NCOA2: variants seen among roughly 807,000 people sequenced by gnomAD.
NCOA2 encodes nuclear receptor coactivator 2.
Under a neutral mutation model 145.1 loss-of-function variants are expected in NCOA2, and 21 were observed. The observed-to-expected ratio is 0.14, with a 90% confidence interval of 0.10 to 0.21. NCOA2 has a LOEUF of 0.21. Ranked by LOEUF, NCOA2 falls within the 10% of genes least tolerant of loss-of-function variation. The pLI is 1.00. For synonymous variants in NCOA2, 619 were observed against 637.5 expected (o/e 0.97, Z 0.44); for missense variants, 1,472 against 1,837.6 (o/e 0.80, Z 3.64).
Position 70,131,996 on chromosome 8 carries a change from T to C in NCOA2, c.3165A>G (p.Pro1055=). The change falls in exon 16 of 23, where the codon CCA becomes CCG. Residue 1055 remains proline, a synonymous_variant. Coordinates refer to ENST00000452400, the MANE Select transcript of NCOA2 (RefSeq NM_006540.4). ...GCAAGTCATCTGGAGAACTGCCAAA[T>C]GGCTGCCTGTAAAGACAGAAATGTC... is the stretch of plus-strand genomic sequence containing the variant. ...QASFASQNRQ[P]FGSSPDDLLC... 3.7e-6 allele frequency: 6 copies of C among 1,611,810 alleles called. No individual in the cohort carries two copies. The highest frequency in any genetic ancestry group is 5.1e-6 in the Non-Finnish European group (6 of 1,179,066).
intron 2 of NCOA2, among the ~76,000 whole-genome samples, chr8:70,275,186 T>C (rs1586335383): frequency 1.3e-5 from 2 of 152,348 alleles, no homozygotes; most frequent in East Asian, 1.9e-4. Context: ...TCAAGTTTTA[T>C]TTCTCTCATT....
chr8:70,454,518 C>T, the NCOA2 span, among the ~76,000 whole-genome samples: 2 of 152,194 alleles, frequency 1.3e-5, no homozygotes, highest in Admixed American at 1.3e-4. Context: ...AAAGGTAGTA[C>T]AAGTAGACCA....
chr8:70,273,789 G>C, intron 2 of NCOA2: 1 of 583,328 alleles, frequency 1.7e-6, no homozygotes, highest in East Asian at 4.2e-5. Context: ...TGATGATGAA[G>C]TTCCAGATCT....
At chr8:70,446,884 T>A in the NCOA2 span, among the ~76,000 whole-genome samples, 1 of 152,156 alleles carries the variant, frequency 6.6e-6, no homozygotes, top group African/African-American at 2.4e-5. Context: ...ATGCACAAAA[T>A]GCAACAAAGC....
intron 1 of NCOA2, among the ~76,000 whole-genome samples, chr8:70,395,241 CA>C (rs1813546663): frequency 6.6e-6 from 1 of 152,146 alleles, no homozygotes; most frequent in African/African-American, 2.4e-5. Flanking sequence ...AAGTTTGAAT[CA>C]TTATTTATCA....
intron 1 of NCOA2, among the ~76,000 whole-genome samples, chr8:70,318,902 G>C (rs1373510648): frequency 6.6e-6 from 1 of 152,180 alleles, no homozygotes; most frequent in African/African-American, 2.4e-5. Context: ...GAAAATGGGT[G>C]TTTTGTCCAC....
At chr8:70,208,516 C>G (rs547697881) in intron 4 of NCOA2, among the ~76,000 whole-genome samples, 2 of 152,328 alleles carry the variant, frequency 1.3e-5, no homozygotes, top group African/African-American at 2.4e-5. Context: ...TTGGAAGAAG[C>G]AGCCATCTAG....
chr8:70,374,327 C>T (rs1811477173), intron 1 of NCOA2, among the ~76,000 whole-genome samples: 1 of 151,886 alleles, frequency 6.6e-6, no homozygotes, highest in Admixed American at 6.6e-5. Context: ...CATAAATTAG[C>T]CAGGCATGGT....
At chr8:70,332,584 G>C (rs11777095) in intron 1 of NCOA2, among the ~76,000 whole-genome samples, 1 of 152,030 alleles carries the variant, frequency 6.6e-6, no homozygotes, top group Non-Finnish European at 1.5e-5. Flanking sequence ...GTGGCAAGTG[G>C]AGCCTTTTTT....
chr8:70,122,755 T>C (rs1025142784), intron 21 of NCOA2, among the ~76,000 whole-genome samples: 1 of 152,252 alleles, frequency 6.6e-6, no homozygotes, highest in South Asian at 2.1e-4. Context: ...TAATAGTTCT[T>C]AAAATTTTCA....
chr8:70,291,969 G>A (rs990657986), intron 2 of NCOA2, among the ~76,000 whole-genome samples: 1 of 151,584 alleles, frequency 6.6e-6, no homozygotes, highest in Non-Finnish European at 1.5e-5. Flanking sequence ...CCAGCTACTC[G>A]GGGGCTGAGG....
At chr8:70,350,650 TA>T (rs965684709) in intron 1 of NCOA2, among the ~76,000 whole-genome samples, 14 of 152,236 alleles carry the variant, frequency 9.2e-5, no homozygotes, top group African/African-American at 3.4e-4. Context: ...TTGTAAAGTT[TA>T]CATAAATTAT....
At chr8:70,403,248 C>G (rs1441716838) in intron 1 of NCOA2, among the ~76,000 whole-genome samples, 3 of 151,402 alleles carry the variant, frequency 2.0e-5, no homozygotes, top group African/African-American at 7.3e-5. Context: ...TCGGTCTCCG[C>G]CGACCCCGCA....
At position 70,225,373 on chromosome 8, in the gene NCOA2, C is replaced by A. The variant is rs1031147821; in HGVS notation, c.-19-8609G>T. 4.0e-5 allele frequency among the ~76,000 whole-genome samples: 6 copies of A among 151,876 alleles called. No individual in the cohort carries two copies. The East Asian group carries it at 5.8e-4, about 15-fold the overall frequency. On this transcript the variant is annotated intron_variant, in intron 2 of 22. Transcript: ENST00000452400. The stretch of plus-strand genomic sequence containing the variant: ...GACCAACATGACCAACATGGTGAAA[C>A]CCGCCTCTACTAAAAAAATACAAAA...
intron 1 of NCOA2, among the ~76,000 whole-genome samples, chr8:70,331,952 C>T (rs1807145194): frequency 6.6e-6 from 1 of 151,990 alleles, no homozygotes; most frequent in Admixed American, 6.6e-5. Context: ...TGCAAAGTAC[C>T]CTCAAGGTCA....
chr8:70,148,491 T>C lies in NCOA2; in HGVS notation c.2395-8A>G, dbSNP rs770605674. On this transcript the variant is annotated splice_region_variant and splice_polypyrimidine_tract_variant and intron_variant, in intron 11 of 22. Coordinates refer to ENST00000452400, the MANE Select transcript of NCOA2 (RefSeq NM_006540.4). ...GTCCAGCTCACTGCCAGGCTGTAGTTGACAAACAGAAGAGTTTATCCAGTC... is the reference window on the plus strand; with the variant it reads ...GTCCAGCTCACTGCCAGGCTGTAGTCGACAAACAGAAGAGTTTATCCAGTC... 2 of 1,612,020 alleles carry C rather than the reference T, an allele frequency of 1.2e-6. No homozygotes were observed. The highest frequency in any genetic ancestry group is 2.2e-5 in the South Asian group (2 of 90,948).
At chr8:70,374,059 T>C (rs1049966585) in intron 1 of NCOA2, among the ~76,000 whole-genome samples, 2 of 152,100 alleles carry the variant, frequency 1.3e-5, no homozygotes, top group African/African-American at 4.8e-5. Context: ...CACTGCTGAA[T>C]GGGGGAAAAA....
the NCOA2 span, among the ~76,000 whole-genome samples, chr8:70,442,161 A>AAGAG: frequency 2.1e-5 from 3 of 143,048 alleles, no homozygotes; most frequent in East Asian, 2.2e-4. Context: ...GAAAGAAAGA[A>AAGAG]AGAGAAAGGC....
chr8:70,231,109 A>G (rs967006344), intron 2 of NCOA2, among the ~76,000 whole-genome samples: 4 of 152,238 alleles, frequency 2.6e-5, no homozygotes, highest in African/African-American at 9.6e-5. Context: ...GGGTCTGACC[A>G]TATTTAATCC....
Sources: allele counts gnomAD v4.1 joint callset (sites outside exome capture counted in the v4.1 genomes callset), GRCh38; gene constraint gnomAD v4.1.1; transcripts MANE v1.5; gene names NCBI Gene and HGNC (gene_info 2026-07-23, HGNC 2026-07-21).